The following ZDHHC17 variants were observed in gnomAD, a reference collection of about 807,000 sequenced individuals.
The protein encoded by ZDHHC17 is zDHHC palmitoyltransferase 17.
A neutral mutation model predicts 90.3 loss-of-function variants in ZDHHC17; 40 were observed. The observed-to-expected ratio is 0.44, with a 90% confidence interval of 0.34 to 0.58. The LOEUF (loss-of-function observed/expected upper bound fraction) is 0.58, where lower values mean the gene tolerates loss of function less well. Ranked by LOEUF, ZDHHC17 falls within the 20% of genes least tolerant of loss-of-function variation. The probability of loss-of-function intolerance (pLI) is 0.01; values close to 1 mark genes in which losing one functional copy is unlikely to be tolerated. For synonymous variants in ZDHHC17, 235 were observed against 252.4 expected (o/e 0.93, Z 0.65); for missense variants, 614 against 780.8 (o/e 0.79, Z 2.55).
chr12:76,827,088 A>G (rs777889094), intron 9 of ZDHHC17, 38 bp downstream of exon 9: 34 of 1,513,672 alleles, frequency 2.2e-5, no homozygotes, highest in Non-Finnish European at 2.7e-5. Flanking sequence ...TAAACTGTAC[A>G]TGAAATAATA....
chr12:76,797,630 C>A (rs79234725), intron 2 of ZDHHC17, 93 bp downstream of exon 2: 1 of 937,676 alleles, frequency 1.1e-6, no homozygotes, highest in African/African-American at 1.7e-5. Context: ...GGAAAAACAT[C>A]AGTATATCTC....
At chr12:76,785,893 A>T (rs979149863) in intron 1 of ZDHHC17, among the ~76,000 whole-genome samples, 1 of 152,154 alleles carries the variant, frequency 6.6e-6, no homozygotes, top group Non-Finnish European at 1.5e-5. Context: ...AGGATTTTGT[A>T]TGATTGCCGA....
chr12:76,788,688 A>ATATTTTCTTTTTTTTTTT (rs61663401), intron 1 of ZDHHC17, among the ~76,000 whole-genome samples: 1 of 98,648 alleles, frequency 1.0e-5, no homozygotes, highest in Non-Finnish European at 1.9e-5. Context: ...TGGAATCGCA[A>ATATTTTCTTTTTTTTTTT]TTTTTTTTTT....
rs556326400 is a variant in ZDHHC17, at chr12:76,835,964, T to C, written c.1142-6018T>C. On this transcript the variant is annotated intron_variant, in intron 10 of 16. Coordinates refer to ENST00000426126, the MANE Select transcript of ZDHHC17 (RefSeq NM_015336.4). ...TGTGAATTGTGTATGTTTTTTTCTTTATGCTTTTAATATTAAATAATATAT... is the reference window on the plus strand; with the variant it reads ...TGTGAATTGTGTATGTTTTTTTCTTCATGCTTTTAATATTAAATAATATAT... Among the ~76,000 whole-genome samples the C allele has an allele frequency of 2.0e-4, 30 of 152,006 alleles. No individual in the cohort carries two copies. In the South Asian group the frequency reaches 2.3e-3, roughly 12 times the overall value.
chr12:76,848,205 A>T (rs1466499635), intron 14 of ZDHHC17, 28 bp from the exon 15 acceptor site: 1 of 1,611,784 alleles, frequency 6.2e-7, no homozygotes, highest in Admixed American at 1.7e-5. Flanking sequence ...TTATTGAGTA[A>T]ATACGAGTAC....
intron 9 of ZDHHC17, among the ~76,000 whole-genome samples, chr12:76,827,815 C>T (rs1404684364): frequency 6.6e-6 from 1 of 152,000 alleles, no homozygotes; most frequent in Non-Finnish European, 1.5e-5. Flanking sequence ...GTCACTAAGA[C>T]CTCCTGCCTA....
At chr12:76,786,474 T>G (rs1456868232) in intron 1 of ZDHHC17, among the ~76,000 whole-genome samples, 1 of 152,118 alleles carries the variant, frequency 6.6e-6, no homozygotes, top group Admixed American at 6.5e-5. Flanking sequence ...CACACTGGTC[T>G]TGAACTCCTG....
chr12:76,792,230 T>C (rs1378033741), intron 1 of ZDHHC17, among the ~76,000 whole-genome samples: 3 of 152,152 alleles, frequency 2.0e-5, no homozygotes. Context: ...GGACCTTTAA[T>C]GAATGACAAA....
At position 76,786,714 on chromosome 12, in the gene ZDHHC17, A is replaced by G. The variant is rs116023611; in HGVS notation, c.94-10720A>G. 3.1e-3 allele frequency among the ~76,000 whole-genome samples: 470 copies of G among 152,264 alleles called. 1 individual carries two copies. The highest frequency in any genetic ancestry group is 0.011 in the African/African-American group (442 of 41,548). ...GAATTTTTCTAGCTTGGACATTTTG[A>G]TAGTTAGAAATGCCTTCTAGTAAAT... is the stretch of plus-strand genomic sequence containing the variant. On this transcript the variant is annotated intron_variant, in intron 1 of 16. Transcript: ENST00000426126.
At chr12:76,786,836 T>G (rs1162439826) in intron 1 of ZDHHC17, among the ~76,000 whole-genome samples, 1 of 152,214 alleles carries the variant, frequency 6.6e-6, no homozygotes, top group Middle Eastern at 3.2e-3. Context: ...ATTCTGTTAC[T>G]TCCTTCCTCA....
In ZDHHC17 at chr12:76,764,293, T is replaced by A; in HGVS notation, c.57T>A (p.Asp19Glu). 6.2e-7 allele frequency: 1 copy of A among 1,606,820 alleles called. No homozygotes were observed. The highest frequency in any genetic ancestry group is 8.5e-7 in the Non-Finnish European group (1 of 1,176,828). The change falls in exon 1 of 17, where the codon GAT becomes GAA. Residue 19 changes from aspartate (D) to glutamate (E), a missense_variant. Asp to Glu is a conservative substitution (Grantham distance 45, BLOSUM62 2). Around this residue, in one of 5 missense-constraint regions of ZDHHC17, gnomAD observed 358 missense variants for 380.4 expected, o/e 0.94. Transcript: ENST00000426126. ...TGGCGGACGGCCCGGATGAGTACGATACCGAAGCGGGCTGTGTGCCCCTTC... is the reference window on the plus strand; with the variant it reads ...TGGCGGACGGCCCGGATGAGTACGAAACCGAAGCGGGCTGTGTGCCCCTTC... Reference protein sequence around the residue: ...TKMADGPDEYDTEAGCVPLLH... With the variant: ...TKMADGPDEYETEAGCVPLLH...
rs1189409430 is a variant in ZDHHC17, at chr12:76,764,180, CCGCGCTCGCCCTCCGCCT to C, written c.-53_-36del. 7.1e-7 allele frequency: 1 copy of C among 1,406,510 alleles called. No homozygotes were observed. The highest frequency in any genetic ancestry group is 1.5e-5 in the African/African-American group (1 of 67,876). The allele number at this position is 1,406,510 out of a possible 1,614,324, so 87.1% of individuals were successfully genotyped here. A position where few individuals can be genotyped will look rare whatever the true frequency, so the allele number is the denominator to read the frequency against. On this transcript the variant is annotated 5_prime_UTR_variant, in exon 1 of 17. Coordinates refer to ENST00000426126, the MANE Select transcript of ZDHHC17 (RefSeq NM_015336.4). The stretch of plus-strand genomic sequence containing the variant: ...GCCTCCGGCGGGGCTCGCGCTCGCC[CCGCGCTCGCCCTCCGCCT>C]CGCCCGAGCCCCGGGAGGGTGAAAC...
In ZDHHC17 at chr12:76,805,382, A is replaced by G; in HGVS notation, c.263A>G (p.Lys88Arg). ...EAGYDVRQPDKENVTLLHWAA... is the reference protein window; with the variant it reads ...EAGYDVRQPDRENVTLLHWAA... Reference sequence around the variant, plus strand: ...GGTTATGATGTACGGCAACCGGACAAAGAAAATGTTACCCTCCTCCATTGG... The same window carrying G: ...GGTTATGATGTACGGCAACCGGACAGAGAAAATGTTACCCTCCTCCATTGG... Residue 88 changes from lysine (K) to arginine (R), a missense_variant, in exon 3 of 17, where the codon AAA becomes AGA. Physicochemically the swap from Lys to Arg is conservative, Grantham distance 26. Coordinates refer to ENST00000426126, the MANE Select transcript of ZDHHC17 (RefSeq NM_015336.4). 1.2e-6 allele frequency: 2 copies of G among 1,602,976 alleles called. No individual in the cohort carries two copies. Among genetic ancestry groups the G allele is most frequent in the Non-Finnish European group, 1.7e-6 (2 of 1,173,612 alleles).
In ZDHHC17 at chr12:76,809,828, A is replaced by C; in HGVS notation, c.514A>C (p.Ile172Leu). 6.2e-7 allele frequency: 1 copy of C among 1,611,302 alleles called. No homozygotes were observed. Among genetic ancestry groups the C allele is most frequent in the African/African-American group, 1.3e-5 (1 of 74,912 alleles). ...GGCTGCTCAGTTCGGACATACCTCA[A>C]TTGTTGCTTATCTCATAGCAAAAGG... ...HLAAQFGHTS[I>L]VAYLIAKGQD... Residue 172 changes from isoleucine (I) to leucine (L), a missense_variant, in exon 5 of 17, where the codon ATT (isoleucine) becomes CTT (leucine). This residue lies in a region of ZDHHC17 where 358 missense variants were observed against 380.4 expected (regional missense o/e 0.94). Transcript: ENST00000426126.
intron 10 of ZDHHC17, among the ~76,000 whole-genome samples, chr12:76,838,862 A>G (rs967607802): frequency 1.3e-5 from 2 of 152,184 alleles, no homozygotes; most frequent in African/African-American, 2.4e-5. Flanking sequence ...TGGAGTATGT[A>G]TTAGTCAGTT....
At chr12:76,813,371 T>C in intron 5 of ZDHHC17, 2 of 452,496 alleles carry the variant, frequency 4.4e-6, no homozygotes, top group South Asian at 3.1e-5. Flanking sequence ...GCAGAAGATA[T>C]TCCTGACAAC....
chr12:76,841,803 T>G (rs1189282114), intron 10 of ZDHHC17, among the ~76,000 whole-genome samples, 179 bp from the exon 11 acceptor site: 1 of 152,170 alleles, frequency 6.6e-6, no homozygotes, highest in African/African-American at 2.4e-5. Context: ...CAGATAAGTC[T>G]GCATGATTTA....
At chr12:76,788,135 T>C (rs1424715284) in intron 1 of ZDHHC17, among the ~76,000 whole-genome samples, 2 of 152,172 alleles carry the variant, frequency 1.3e-5, no homozygotes, top group Non-Finnish European at 2.9e-5. Flanking sequence ...GGTGGGATAG[T>C]AGGTTTTCTA....
rs534032102 is a variant in ZDHHC17, at chr12:76,807,616, T to C, written c.321-1427T>C. Reference sequence around the variant, plus strand: ...GTTTACAATGAAAAGTAATAGAAGTTATTCTTTTTTTAGGATGCAGAAAAG... The same window carrying C: ...GTTTACAATGAAAAGTAATAGAAGTCATTCTTTTTTTAGGATGCAGAAAAG... On this transcript the variant is annotated intron_variant, in intron 3 of 16. Transcript: ENST00000426126. 2.6e-5 allele frequency among the ~76,000 whole-genome samples: 4 copies of C among 152,324 alleles called. No individual in the cohort carries two copies. In the South Asian group the frequency reaches 8.3e-4, roughly 32 times the overall value.
Sources: allele counts gnomAD v4.1 joint callset (sites outside exome capture counted in the v4.1 genomes callset), GRCh38; gene constraint gnomAD v4.1.1; regional missense constraint gnomAD v4.1.1; transcripts MANE v1.5; gene names NCBI Gene and HGNC (gene_info 2026-07-23, HGNC 2026-07-21).